TBL1XR1: variants seen among roughly 807,000 people sequenced by gnomAD.
TBL1XR1 encodes the protein TBL1X/Y related 1.
A neutral mutation model predicts 66.9 loss-of-function variants in TBL1XR1; 5 were observed. That is an observed-to-expected ratio of 0.07 (90% CI 0.04 to 0.16). The LOEUF is 0.16. Among genes scored for constraint, TBL1XR1 ranks in the 10% least tolerant of loss-of-function variants. The probability of loss-of-function intolerance (pLI) is 1.00; values close to 1 mark genes in which losing one functional copy is unlikely to be tolerated. For missense variants in TBL1XR1, 238 were observed against 623.2 expected (o/e 0.38, Z 6.58); for synonymous variants, 210 against 206.0 (o/e 1.02, Z -0.17).
At chr3:177,192,092 CAAAAAAAAA>C in intron 1 of TBL1XR1, among the ~76,000 whole-genome samples, 1 of 64,602 alleles carries the variant, frequency 1.5e-5, no homozygotes, top group Non-Finnish European at 3.5e-5. Flanking sequence ...GACTCTGTCT[CAAAAAAAAA>C]AAAAAAAGAG....
At chr3:177,139,187 C>T (rs1306014987) in intron 1 of TBL1XR1, among the ~76,000 whole-genome samples, 1 of 152,008 alleles carries the variant, frequency 6.6e-6, no homozygotes, top group African/African-American at 2.4e-5. Context: ...CAAAATACGC[C>T]ACATTTAAGA....
At chr3:177,119,391 C>CTCTTTTA (rs1374313803) in intron 1 of TBL1XR1, among the ~76,000 whole-genome samples, 1 of 152,136 alleles carries the variant, frequency 6.6e-6, no homozygotes, top group Non-Finnish European at 1.5e-5. Context: ...ATGGTCCCAT[C>CTCTTTTA]TCTTTTATTT....
At chr3:177,114,647 T>C (rs977890591) in intron 1 of TBL1XR1, among the ~76,000 whole-genome samples, 1 of 151,450 alleles carries the variant, frequency 6.6e-6, no homozygotes, top group African/African-American at 2.4e-5. Flanking sequence ...AAAAACATAA[T>C]GTCGTATGTC....
At chr3:177,167,155 T>G (rs1405097700) in intron 1 of TBL1XR1, among the ~76,000 whole-genome samples, 1 of 152,198 alleles carries the variant, frequency 6.6e-6, no homozygotes, top group East Asian at 1.9e-4. Context: ...TGGATTATTA[T>G]TCTACACTAA....
intron 1 of TBL1XR1, among the ~76,000 whole-genome samples, chr3:177,131,736 G>C (rs1339791238): frequency 6.6e-6 from 1 of 151,676 alleles, no homozygotes; most frequent in African/African-American, 2.4e-5. Context: ...TCCTGGCCTC[G>C]AGTGATCCAC....
At chr3:177,029,345 G>GATGC (rs1254540777) in intron 14 of TBL1XR1, among the ~76,000 whole-genome samples, 1 of 152,174 alleles carries the variant, frequency 6.6e-6, no homozygotes, top group African/African-American at 2.4e-5. Flanking sequence ...ATCTGGGCGT[G>GATGC]ATGCCTCATG....
intron 1 of TBL1XR1, among the ~76,000 whole-genome samples, chr3:177,136,516 G>C (rs1355131159): frequency 6.6e-6 from 1 of 152,166 alleles, no homozygotes; most frequent in Non-Finnish European, 1.5e-5. Flanking sequence ...CTGACCTCAA[G>C]TGATCCACCC....
intron 1 of TBL1XR1, among the ~76,000 whole-genome samples, chr3:177,186,738 G>C (rs368254949): frequency 6.6e-6 from 1 of 152,038 alleles, no homozygotes; most frequent in South Asian, 2.1e-4. Context: ...TAGATTTTTA[G>C]TACTTAAATA....
intron 1 of TBL1XR1, among the ~76,000 whole-genome samples, chr3:177,117,459 T>C (rs188731283): frequency 9.8e-5 from 15 of 152,324 alleles, no homozygotes; most frequent in Admixed American, 8.5e-4. Flanking sequence ...CTGAATTATC[T>C]GCACAGTCTA....
intron 3 of TBL1XR1, 83 bp from the exon 4 acceptor site, chr3:177,054,001 C>A: frequency 7.1e-7 from 1 of 1,417,960 alleles, no homozygotes; most frequent in Admixed American, 2.1e-5. Context: ...TCACCATCAT[C>A]TTTTCAAATC....
At chr3:177,134,454 A>G (rs1371133302) in intron 1 of TBL1XR1, among the ~76,000 whole-genome samples, 1 of 152,196 alleles carries the variant, frequency 6.6e-6, no homozygotes, top group African/African-American at 2.4e-5. Context: ...GGAATACATG[A>G]TAATTCAGTC....
chr3:177,031,059 C>T (rs1246365723), intron 14 of TBL1XR1, among the ~76,000 whole-genome samples: 1 of 152,148 alleles, frequency 6.6e-6, no homozygotes, highest in African/African-American at 2.4e-5. Flanking sequence ...TTGCAGTTAG[C>T]CGAGATCGTG....
Position 177,040,915 on chromosome 3 carries a change from T to C in TBL1XR1, c.926-2481A>G, listed in dbSNP as rs544410207. ...ATGGGAACTTACTATGGAGGTTACATGAAATTTCAAATAACTATATTTTTA... is the reference window on the plus strand; with the variant it reads ...ATGGGAACTTACTATGGAGGTTACACGAAATTTCAAATAACTATATTTTTA... On this transcript the variant is annotated intron_variant, in intron 10 of 15. Coordinates refer to ENST00000457928, the MANE Select transcript of TBL1XR1 (RefSeq NM_024665.7). Among the ~76,000 whole-genome samples the C allele has an allele frequency of 1.4e-4, 22 of 152,322 alleles. No homozygotes were observed. The Middle Eastern group carries it at 0.014, about 94-fold the overall frequency.
rs926342779 is a variant in TBL1XR1 at position 177,024,053 on chromosome 3, T to C, written c.*1445A>G. ...TTTAATATCTATATCTTTAAGAAAA[T>C]ACTTGATATTATAAACAGAGTAAAA... On this transcript the variant is annotated 3_prime_UTR_variant, in exon 16 of 16. Coordinates refer to ENST00000457928, the MANE Select transcript of TBL1XR1 (RefSeq NM_024665.7). 6.6e-6 allele frequency: 1 copy of C among 151,666 alleles called. No individual in the cohort carries two copies. Among genetic ancestry groups the C allele is most frequent in the African/African-American group, 2.4e-5 (1 of 41,206 alleles). The allele number at this position is 151,666 out of a possible 1,614,324, so 9.4% of individuals were successfully genotyped here.
chr3:177,103,924 T>G (rs1458863928), intron 1 of TBL1XR1, among the ~76,000 whole-genome samples: 2 of 152,154 alleles, frequency 1.3e-5, no homozygotes, highest in Non-Finnish European at 2.9e-5. Context: ...AAGACCAGCC[T>G]GGCAAACATG....
chr3:177,188,642 T>C (rs938349482), intron 1 of TBL1XR1, among the ~76,000 whole-genome samples: 1 of 152,092 alleles, frequency 6.6e-6, no homozygotes, highest in African/African-American at 2.4e-5. Context: ...CCTGAAACCT[T>C]CAATAAAGGG....
intron 12 of TBL1XR1, among the ~76,000 whole-genome samples, chr3:177,035,205 G>A (rs1039195038): frequency 1.3e-5 from 2 of 152,092 alleles, no homozygotes; most frequent in African/African-American, 4.8e-5. Flanking sequence ...CATAGAATTT[G>A]ATACTGTTGG....
chr3:177,161,848 T>G (rs560228244), intron 1 of TBL1XR1, among the ~76,000 whole-genome samples: 27 of 150,572 alleles, frequency 1.8e-4, no homozygotes, highest in African/African-American at 6.6e-4. Context: ...AATAAGCACA[T>G]GAAAATATTC....
At chr3:177,166,803 C>G (rs976614688) in intron 1 of TBL1XR1, among the ~76,000 whole-genome samples, 1 of 152,210 alleles carries the variant, frequency 6.6e-6, no homozygotes, top group African/African-American at 2.4e-5. Flanking sequence ...TGAAATATCA[C>G]TACACACCTA....
Sources: gnomAD v4.1 joint callset for allele counts (sites outside exome capture counted in the v4.1 genomes callset) on GRCh38, gnomAD v4.1.1 for gene constraint, MANE v1.5 for transcripts, NCBI Gene and HGNC (gene_info 2026-07-23, HGNC 2026-07-21) for gene names.